The following FYB1 variants were observed in gnomAD, a reference collection of about 807,000 sequenced individuals.
FYB1 encodes the protein FYN binding protein 1.
A neutral mutation model predicts 94.1 loss-of-function variants in FYB1; 41 were observed. That is an observed-to-expected ratio of 0.44 (90% CI 0.34 to 0.57). The LOEUF (loss-of-function observed/expected upper bound fraction) is 0.57. Among genes scored for constraint, FYB1 ranks in the 20% least tolerant of loss-of-function variants. The probability of loss-of-function intolerance (pLI) is 0.02; values close to 1 mark genes in which losing one functional copy is unlikely to be tolerated. For missense variants in FYB1, 1,050 were observed against 976.8 expected (o/e 1.07, Z -1.00); for synonymous variants, 367 against 353.2 (o/e 1.04, Z -0.44).
intron 16 of FYB1, 94 bp downstream of exon 16, chr5:39,118,779 GT>G: frequency 1.4e-6 from 1 of 722,264 alleles, no homozygotes; most frequent in Non-Finnish European, 2.1e-6. Flanking sequence ...ATAGATAAGA[GT>G]TAGTAAACAC....
intron 13 of FYB1, among the ~76,000 whole-genome samples, chr5:39,123,920 TC>T (rs2150291196): frequency 6.6e-6 from 1 of 152,286 alleles, no homozygotes; most frequent in African/African-American, 2.4e-5. Context: ...TTTTTAGATA[TC>T]CTTATGCAGA....
chr5:39,154,753 C>A (rs1397166694), intron 2 of FYB1, among the ~76,000 whole-genome samples: 1 of 151,930 alleles, frequency 6.6e-6, no homozygotes, highest in Non-Finnish European at 1.5e-5. Context: ...GCCGCTGTGC[C>A]CATCTAATTT....
chr5:39,217,312 G>A (rs1749941734), intron 1 of FYB1, among the ~76,000 whole-genome samples: 1 of 152,140 alleles, frequency 6.6e-6, no homozygotes. Context: ...AGCGAACCAA[G>A]GTCCTTCATT....
intron 1 of FYB1, chr5:39,274,328 A>G (rs920523138): frequency 2.0e-5 from 3 of 152,234 alleles, no homozygotes; most frequent in Admixed American, 6.5e-5. Context: ...ACAAGTAGCC[A>G]TCTACTCTAC....
chr5:39,247,127 A>G (rs1561306126), intron 1 of FYB1, among the ~76,000 whole-genome samples: 1 of 123,870 alleles, frequency 8.1e-6, no homozygotes, highest in East Asian at 2.4e-4. Flanking sequence ...ACTATATACC[A>G]TTTGTCAAAT....
intron 8 of FYB1, among the ~76,000 whole-genome samples, chr5:39,134,574 A>G (rs1741492724): frequency 6.6e-6 from 1 of 152,172 alleles, no homozygotes; most frequent in African/African-American, 2.4e-5. Context: ...TAAATATTCT[A>G]AAGTGATTCA....
chr5:39,116,970 G>C (rs776423801), intron 16 of FYB1, among the ~76,000 whole-genome samples: 2 of 152,142 alleles, frequency 1.3e-5, no homozygotes, highest in Non-Finnish European at 2.9e-5. Context: ...GGAGACTTAG[G>C]TCACTATGGC....
intron 1 of FYB1, among the ~76,000 whole-genome samples, chr5:39,214,662 T>G (rs944803028): frequency 2.0e-5 from 3 of 152,238 alleles, no homozygotes; most frequent in African/African-American, 7.2e-5. Flanking sequence ...GTGCTGTGGC[T>G]CATGCCTGTA....
chr5:39,183,959 G>A (rs1746499372), intron 2 of FYB1, among the ~76,000 whole-genome samples: 1 of 152,038 alleles, frequency 6.6e-6, no homozygotes, highest in Admixed American at 6.5e-5. Flanking sequence ...ACTGCCTTGA[G>A]GAATGATGGG....
At chr5:39,116,840 A>T (rs1452744367) in intron 16 of FYB1, among the ~76,000 whole-genome samples, 2 of 82,120 alleles carry the variant, frequency 2.4e-5, no homozygotes, top group Non-Finnish European at 5.9e-5. Flanking sequence ...GGAAAAAAAT[A>T]AGCAAAAAAA....
chr5:39,270,550 T>G, intron 1 of FYB1: 1 of 1,533,986 alleles, frequency 6.5e-7, no homozygotes. Flanking sequence ...CAAGGAGAGT[T>G]ATAAAATCTA....
At chr5:39,230,878 C>CACACACACAT (rs1491183836) in intron 1 of FYB1, among the ~76,000 whole-genome samples, 3 of 128,336 alleles carry the variant, frequency 2.3e-5, no homozygotes, top group African/African-American at 8.1e-5. Context: ...CACACACACA[C>CACACACACAT]ATATATATAC....
chr5:39,242,916 C>G lies in FYB1; in HGVS notation c.-28+31487G>C, dbSNP rs558659570. On this transcript the variant is annotated intron_variant, in intron 1 of 1. Coordinates refer to the FYB1 transcript ENST00000510188. ...TGATGCTGAGCATTTTTTCATGTGT[C>G]TGTTGGCTGCATAAATATCTTCTTT... Among the ~76,000 whole-genome samples, 58 of 152,208 alleles carry G rather than the reference C, an allele frequency of 3.8e-4. 3 individuals are homozygous for G. The South Asian group carries it at 0.011, about 28-fold the overall frequency.
chr5:39,249,211 C>T (rs1459849769), intron 1 of FYB1, among the ~76,000 whole-genome samples: 1 of 152,126 alleles, frequency 6.6e-6, no homozygotes, highest in Admixed American at 6.5e-5. Flanking sequence ...GAGGTTGTGG[C>T]CAAAGAATGC....
chr5:39,151,486 C>T (rs1489087491), intron 3 of FYB1, among the ~76,000 whole-genome samples: 4 of 152,088 alleles, frequency 2.6e-5, no homozygotes, highest in Admixed American at 2.6e-4. Context: ...GACAGGGTCT[C>T]GCTATATTGC....
intron 1 of FYB1, among the ~76,000 whole-genome samples, chr5:39,244,050 A>G (rs1371636949): frequency 3.9e-5 from 6 of 152,244 alleles, no homozygotes; most frequent in Admixed American, 3.9e-4. Context: ...GGCTGAGACA[A>G]TGGGGTTTTC....
Position 39,201,988 on chromosome 5 carries a change from GC to G in FYB1, c.972del (p.Pro325HisfsTer44). The G allele has an allele frequency of 1.9e-6, 3 of 1,613,942 alleles. No homozygotes were observed. Among genetic ancestry groups the G allele is most frequent in the Non-Finnish European group, 1.7e-6 (2 of 1,179,892 alleles). ...PKAPSKLTVGGPWGQSQEKEK... is the reference protein window; with the variant it reads ...PKAPSKLTVGXPWGQSQEKEK... Reference sequence around the variant, plus strand: ...TCCTTTTCCTGACTTTGGCCCCATGGCCCCCCCACTGTCAGCTTAGAAGGGG... The same window carrying G: ...TCCTTTTCCTGACTTTGGCCCCATGGCCCCCCACTGTCAGCTTAGAAGGGG... On this transcript the variant is annotated frameshift_variant, in exon 2 of 19. Coordinates refer to ENST00000512982, the MANE Select transcript of FYB1 (RefSeq NM_001465.6). LOFTEE classifies it high-confidence loss of function.
intron 4 of FYB1, among the ~76,000 whole-genome samples, chr5:39,140,186 G>C (rs1478161048): frequency 6.6e-6 from 1 of 152,180 alleles, no homozygotes; most frequent in Non-Finnish European, 1.5e-5. Flanking sequence ...CATGGGCTAA[G>C]TTAATAGACA....
chr5:39,132,402 C>A (rs550274916), intron 9 of FYB1, among the ~76,000 whole-genome samples: 1 of 152,262 alleles, frequency 6.6e-6, no homozygotes, highest in South Asian at 2.1e-4. Context: ...GAAATGTCTT[C>A]TTCTTTAATT....
Sources: allele counts gnomAD v4.1 joint callset (sites outside exome capture counted in the v4.1 genomes callset), GRCh38; gene constraint gnomAD v4.1.1; transcripts MANE v1.5; gene names NCBI Gene and HGNC (gene_info 2026-07-23, HGNC 2026-07-21).